C9orf85: variants seen among roughly 807,000 people sequenced by gnomAD.
The protein encoded by C9orf85 is chromosome 9 open reading frame 85.
A neutral mutation model predicts 14.9 loss-of-function variants in C9orf85; 16 were observed. The observed-to-expected ratio is 1.08, with a 90% CI of 0.73 to 1.63. C9orf85 has a LOEUF of 1.63. C9orf85 is among the 40% of genes most tolerant of loss of function. C9orf85 has a pLI of 0.00. For synonymous variants in C9orf85, 45 were observed against 56.8 expected (o/e 0.79, Z 0.93); for missense variants, 172 against 186.1 (o/e 0.92, Z 0.44).
chr9:71,961,124 C>A (rs539850824), intron 2 of C9orf85, among the ~76,000 whole-genome samples: 1 of 152,062 alleles, frequency 6.6e-6, no homozygotes, highest in East Asian at 2.0e-4. Flanking sequence ...GTTGGTCAGG[C>A]TGGTCTCAAA....
downstream of C9orf85, among the ~76,000 whole-genome samples, chr9:71,975,774 G>A (rs2132371442): frequency 1.3e-5 from 2 of 152,338 alleles, no homozygotes; most frequent in Middle Eastern, 6.8e-3. Context: ...AGAGGTTGTG[G>A]TGAGCCAAGA....
chr9:71,981,689 G>C (rs939274230), intron 3 of C9orf85, among the ~76,000 whole-genome samples: 2 of 152,096 alleles, frequency 1.3e-5, no homozygotes, highest in African/African-American at 4.8e-5. Context: ...CAGTATTCCT[G>C]AAATTATGTA....
At chr9:71,913,330 T>G (rs184572682) in intron 1 of C9orf85, among the ~76,000 whole-genome samples, 1 of 152,324 alleles carries the variant, frequency 6.6e-6, no homozygotes, top group African/African-American at 2.4e-5. Flanking sequence ...CCTGTGTTCA[T>G]AGGTATACCG....
At chr9:71,942,898 G>A (rs867178876) in intron 1 of C9orf85, among the ~76,000 whole-genome samples, 6 of 47,500 alleles carry the variant, frequency 1.3e-4, no homozygotes, top group Admixed American at 5.9e-4. Context: ...GTGAGACTCC[G>A]ACTCAAAAAA....
intron 2 of C9orf85, among the ~76,000 whole-genome samples, chr9:71,948,826 C>T (rs926739991): frequency 1.4e-5 from 2 of 140,056 alleles, no homozygotes; most frequent in African/African-American, 2.7e-5. Flanking sequence ...CCCCCCCCCC[C>T]CTTTAAATAG....
At chr9:71,946,233 C>G (rs1822082519) in intron 1 of C9orf85, among the ~76,000 whole-genome samples, 1 of 152,174 alleles carries the variant, frequency 6.6e-6, no homozygotes, top group Non-Finnish European at 1.5e-5. Context: ...AGCTGCTTCT[C>G]CCTGGCACCC....
downstream of C9orf85, among the ~76,000 whole-genome samples, chr9:71,978,011 G>A (rs1823036175): frequency 6.6e-6 from 1 of 152,072 alleles, no homozygotes; most frequent in Admixed American, 6.5e-5. Flanking sequence ...TCAAAACTTG[G>A]TTTAAACATT....
At chr9:71,924,926 A>G (rs1307730147) in intron 1 of C9orf85, among the ~76,000 whole-genome samples, 3 of 152,196 alleles carry the variant, frequency 2.0e-5, no homozygotes, top group Non-Finnish European at 4.4e-5. Context: ...GTCATCTATT[A>G]TTGATATAAA....
At chr9:71,939,375 C>A (rs1324592048) in intron 1 of C9orf85, among the ~76,000 whole-genome samples, 1 of 151,984 alleles carries the variant, frequency 6.6e-6, no homozygotes, top group Admixed American at 6.6e-5. Context: ...TACAATTCCT[C>A]ATGCATATAT....
intron 1 of C9orf85, among the ~76,000 whole-genome samples, chr9:71,944,738 C>A (rs1258907827): frequency 1.3e-5 from 2 of 152,230 alleles, no homozygotes; most frequent in East Asian, 3.9e-4. Flanking sequence ...CAGGTATATA[C>A]TTTTCTTTCT....
chr9:71,979,473 T>G (rs1300411658), intron 3 of C9orf85, among the ~76,000 whole-genome samples: 2 of 152,080 alleles, frequency 1.3e-5, no homozygotes, highest in Non-Finnish European at 2.9e-5. Context: ...GCAGGTAATC[T>G]TGAAACTCTT....
At chr9:71,929,953 G>A (rs1423000510) in intron 1 of C9orf85, among the ~76,000 whole-genome samples, 2 of 148,944 alleles carry the variant, frequency 1.3e-5, no homozygotes, top group African/African-American at 5.0e-5. Context: ...TGAGCCTTAG[G>A]TTTCTCATCT....
chr9:71,955,889 G>A (rs1564095044), intron 2 of C9orf85, among the ~76,000 whole-genome samples: 1 of 152,138 alleles, frequency 6.6e-6, no homozygotes, highest in Non-Finnish European at 1.5e-5. Flanking sequence ...TGAATTTGTA[G>A]CATCTGAATG....
rs546033089 is a variant in C9orf85, at chr9:71,937,368, C to T, written c.103-9638C>T. Among the ~76,000 whole-genome samples, 102 of 152,212 alleles carry T rather than the reference C, an allele frequency of 6.7e-4. 1 individual carries two copies. In the Middle Eastern group the frequency reaches 0.014, roughly 20 times the overall value. ...AATCAGTGGTTAGTTTGTACACAGA[C>T]CCTGTCTGCATAATTGCAACTGAAT... On this transcript the variant is annotated intron_variant, in intron 1 of 3. Coordinates refer to ENST00000334731, the MANE Select transcript of C9orf85 (RefSeq NM_182505.5).
chr9:71,939,575 A>G (rs977576476), intron 1 of C9orf85, among the ~76,000 whole-genome samples: 1 of 152,212 alleles, frequency 6.6e-6, no homozygotes, highest in African/African-American at 2.4e-5. Flanking sequence ...AATCAAAATC[A>G]TAGCAGGGTT....
At position 71,936,478 on chromosome 9, in the gene C9orf85, CAT is replaced by C. The variant is rs529317149; in HGVS notation, c.103-10525_103-10524del. Among the ~76,000 whole-genome samples, 498 of 151,362 alleles carry C rather than the reference CAT, an allele frequency of 3.3e-3. 1 individual carries two copies. The highest frequency in any genetic ancestry group is 0.011 in the African/African-American group (445 of 41,250). ...AGAGTCTTTTTTTTTTCAGGAAAGA[CAT>C]ATTATTTCTAGATAAAGTGATTGGC... On this transcript the variant is annotated intron_variant, in intron 1 of 3. Coordinates refer to ENST00000334731, the MANE Select transcript of C9orf85 (RefSeq NM_182505.5).
intron 2 of C9orf85, among the ~76,000 whole-genome samples, chr9:71,966,498 G>A (rs77075682): frequency 0.03 from 4,624 of 152,164 alleles, 127 homozygotes; most frequent in Non-Finnish European, 0.044. Context: ...TTTTAGGGAG[G>A]TTTGAATTTT....
At chr9:71,945,280 C>G (rs1027505085) in intron 1 of C9orf85, among the ~76,000 whole-genome samples, 1 of 152,136 alleles carries the variant, frequency 6.6e-6, no homozygotes, top group Non-Finnish European at 1.5e-5. Context: ...CTAGCTTTGT[C>G]CATGATAACT....
intron 1 of C9orf85, among the ~76,000 whole-genome samples, chr9:71,912,755 G>C (rs1380225672): frequency 6.6e-6 from 1 of 152,122 alleles, no homozygotes; most frequent in African/African-American, 2.4e-5. Context: ...GTGGTGACGG[G>C]TGCCGGTAAT....
Sources: allele counts gnomAD v4.1 joint callset (sites outside exome capture counted in the v4.1 genomes callset), GRCh38; gene constraint gnomAD v4.1.1; transcripts MANE v1.5; gene names NCBI Gene and HGNC (gene_info 2026-07-23, HGNC 2026-07-21).